The following WDR19 variants were observed in gnomAD, a reference collection of about 807,000 sequenced individuals.
The protein encoded by WDR19 is WD repeat domain 19.
In WDR19, 121 loss-of-function variants were observed where a neutral mutation model predicts 180.0. The ratio of observed to expected loss-of-function variants is 0.67; its 90% CI spans 0.58 to 0.78. WDR19 has a LOEUF of 0.78. Ranked by LOEUF, WDR19 falls within the 30% of genes least tolerant of loss-of-function variation. WDR19 has a pLI of 0.00. For missense variants in WDR19, 1,450 were observed against 1,640.7 expected (o/e 0.88, Z 2.01); for synonymous variants, 497 against 540.7 (o/e 0.92, Z 1.12).
intron 24 of WDR19, among the ~76,000 whole-genome samples, chr4:39,247,037 G>A (rs1365860668): frequency 6.6e-6 from 1 of 152,244 alleles, no homozygotes; most frequent in Non-Finnish European, 1.5e-5. Flanking sequence ...TGAGATCTGA[G>A]AATGGGCAGA....
At chr4:39,251,739 CA>C (rs1189438518) in intron 24 of WDR19, among the ~76,000 whole-genome samples, 2 of 151,910 alleles carry the variant, frequency 1.3e-5, no homozygotes, top group Non-Finnish European at 2.9e-5. Flanking sequence ...TTTATGCAGC[CA>C]AAAAACACAT....
At chr4:39,274,024 C>A (rs368830936) in intron 32 of WDR19, 2 of 152,186 alleles carry the variant, frequency 1.3e-5, no homozygotes, top group African/African-American at 2.4e-5. Flanking sequence ...AATACGTAAA[C>A]GAATGGGCAT....
At chr4:39,270,369 T>C (rs1444336068) in intron 31 of WDR19, among the ~76,000 whole-genome samples, 2 of 152,108 alleles carry the variant, frequency 1.3e-5, no homozygotes, top group Non-Finnish European at 2.9e-5. Context: ...CTTATTATAG[T>C]GTGTGGGTTG....
Position 39,255,937 on chromosome 4 carries a change from T to A in WDR19, c.3091T>A (p.Leu1031Met). 6.2e-7 allele frequency: 1 copy of A among 1,606,686 alleles called. No individual in the cohort carries two copies. The highest frequency in any genetic ancestry group is 8.5e-7 in the Non-Finnish European group (1 of 1,176,410). ...ATATCTTCAGGCTGGAAAATTCTTC[T>A]TGCTGTGTGGCCAATATTCACGAGT... ...KRYLQAGKFF[L>M]LCGQYSRALK... is the part of the protein sequence containing the mutation. The change falls in exon 27 of 37, where the codon TTG becomes ATG. Residue 1031 changes from leucine (L) to methionine (M), a missense_variant. Physicochemically the swap from Leu to Met is conservative, Grantham distance 15. Transcript: ENST00000399820.
intron 9 of WDR19, among the ~76,000 whole-genome samples, chr4:39,213,378 A>G (rs1033042503): frequency 6.6e-6 from 1 of 152,228 alleles, no homozygotes; most frequent in Non-Finnish European, 1.5e-5. Flanking sequence ...GCCATAGAAC[A>G]CTACTCAACA....
At chr4:39,276,032 A>G (rs1735856348) in intron 33 of WDR19, among the ~76,000 whole-genome samples, 1 of 152,244 alleles carries the variant, frequency 6.6e-6, no homozygotes, top group Non-Finnish European at 1.5e-5. Flanking sequence ...GCAGTCATAG[A>G]GTAATTCTAA....
At position 39,232,200 on chromosome 4, in the gene WDR19, C is replaced by A. The variant is rs1256748315; in HGVS notation, c.2181C>A (p.Ala727=). ...EDYNLLAGHL[A]MFTNDYNLAQ... The stretch of plus-strand genomic sequence containing the variant: ...ACAATCTTTTGGCAGGACACCTTGC[C>A]ATGTTTACCAACGATTATAACCTGG... The change falls in exon 19 of 37, where the codon GCC becomes GCA. Residue 727 remains alanine (A), a synonymous_variant. Transcript: ENST00000399820. 4.3e-6 allele frequency: 7 copies of A among 1,613,766 alleles called. No individual in the cohort carries two copies. The highest frequency in any genetic ancestry group is 5.9e-6 in the Non-Finnish European group (7 of 1,179,824).
At chr4:39,214,796 G>C in intron 10 of WDR19, 125 bp downstream of exon 10, 1 of 569,982 alleles carries the variant, frequency 1.8e-6, no homozygotes, top group Non-Finnish European at 3.1e-6. Flanking sequence ...TTTTTGAGAT[G>C]GATTCTTGTT....
At chr4:39,265,770 C>CAAAAAA (rs11326526) in intron 28 of WDR19, among the ~76,000 whole-genome samples, 1 of 81,080 alleles carries the variant, frequency 1.2e-5, no homozygotes, top group African/African-American at 5.4e-5. Flanking sequence ...GACTCTGTCT[C>CAAAAAA]AAAAAAAAAA....
At chr4:39,189,551 T>G (rs1462004285) in intron 3 of WDR19, 105 bp from the exon 4 acceptor site, 1 of 1,068,022 alleles carries the variant, frequency 9.4e-7, no homozygotes, top group African/African-American at 1.7e-5. Flanking sequence ...GAGAGTTTAT[T>G]ATCTGTTCAA....
chr4:39,247,662 G>T (rs896794326), intron 24 of WDR19, among the ~76,000 whole-genome samples: 1 of 152,140 alleles, frequency 6.6e-6, no homozygotes, highest in African/African-American at 2.4e-5. Context: ...GTCCTTAAAG[G>T]ACCCGATGGA....
chr4:39,202,507 A>G (rs1370987375), intron 6 of WDR19, among the ~76,000 whole-genome samples: 3 of 152,194 alleles, frequency 2.0e-5, no homozygotes, highest in Non-Finnish European at 4.4e-5. Context: ...TGGCAAAATT[A>G]TATAAAATAT....
chr4:39,237,749 A>T (rs1005130477), intron 20 of WDR19: 6 of 152,200 alleles, frequency 3.9e-5, no homozygotes, highest in African/African-American at 1.4e-4. Flanking sequence ...TACATAACAC[A>T]AGAGACAGAG....
At chr4:39,263,144 G>A (rs996461903) in intron 28 of WDR19, among the ~76,000 whole-genome samples, 1 of 145,090 alleles carries the variant, frequency 6.9e-6, no homozygotes, top group African/African-American at 2.6e-5. Context: ...AGGGAAGTAC[G>A]AGGCCCCTCA....
intron 21 of WDR19, among the ~76,000 whole-genome samples, chr4:39,242,464 T>A (rs1192668178): frequency 6.6e-6 from 1 of 152,010 alleles, no homozygotes; most frequent in East Asian, 1.9e-4. Flanking sequence ...ATTATTTGGA[T>A]GTACTATAAT....
At chr4:39,226,610 A>G (rs1264352044) in intron 15 of WDR19, among the ~76,000 whole-genome samples, 1 of 152,196 alleles carries the variant, frequency 6.6e-6, no homozygotes, top group Non-Finnish European at 1.5e-5. Flanking sequence ...TCGTCAGCCT[A>G]CTAGCTGTGT....
intron 27 of WDR19, 95 bp from the exon 28 acceptor site, chr4:39,257,391 C>A: frequency 8.7e-7 from 1 of 1,145,048 alleles, no homozygotes; most frequent in Non-Finnish European, 1.3e-6. Context: ...CTTTCACAGA[C>A]TGTAATTACT....
Position 39,270,115 on chromosome 4 carries a change from G to T in WDR19, c.3483+15G>T. The T allele has an allele frequency of 6.2e-7, 1 of 1,613,194 alleles. No individual in the cohort carries two copies. Among genetic ancestry groups the T allele is most frequent in the Non-Finnish European group, 8.5e-7 (1 of 1,179,490 alleles). On this transcript the variant is annotated intron_variant, in intron 31 of 36. Transcript: ENST00000399820. ...TACTAGTAAAGGTGAGGCCCATGGA[G>T]TGACTTGGGACATAACCTGCCAGGT... is the stretch of plus-strand genomic sequence containing the variant.
intron 36 of WDR19, among the ~76,000 whole-genome samples, chr4:39,280,110 C>T: frequency 1.8e-5 from 2 of 111,298 alleles, no homozygotes; most frequent in Admixed American, 1.1e-4. Context: ...GGTTTTTTTC[C>T]CTTTTCTTGT....
Sources: gnomAD v4.1 joint callset for allele counts (sites outside exome capture counted in the v4.1 genomes callset) on GRCh38, gnomAD v4.1.1 for gene constraint, MANE v1.5 for transcripts, NCBI Gene and HGNC (gene_info 2026-07-23, HGNC 2026-07-21) for gene names.